Variants in LCOR observed in about 807,000 individuals in gnomAD.
The protein encoded by LCOR is ligand-dependent corepressor.
LCOR carries 14 observed loss-of-function variants against 64.4 expected under a neutral mutation model. That is an observed-to-expected ratio of 0.22 (90% CI 0.14 to 0.34). LCOR has a LOEUF of 0.34. LCOR is among the 10% of genes least tolerant of loss of function. LCOR has a pLI of 1.00. For missense variants in LCOR, 1,686 were observed against 1,765.3 expected, an observed-to-expected ratio of 0.96 and a Z score of 0.80; for synonymous variants, 643 against 642.5, an observed-to-expected ratio of 1.00 and a Z score of -0.01.
intron 7 of LCOR, among the ~76,000 whole-genome samples, chr10:96,978,128 G>A (rs555117719): frequency 6.6e-5 from 10 of 152,282 alleles, no homozygotes; most frequent in Non-Finnish European, 1.3e-4. Context: ...TTCCTAAAGG[G>A]GTCTGGGGTC....
At chr10:96,907,794 GT>G (rs1846755012) in intron 4 of LCOR, 47 bp downstream of exon 4, 1 of 612,622 alleles carries the variant, frequency 1.6e-6, no homozygotes, top group Non-Finnish European at 2.0e-6. Context: ...GTATTTTAAA[GT>G]TTTCATCTTT....
chr10:96,902,854 A>G (rs142172765), intron 2 of LCOR, among the ~76,000 whole-genome samples: 2 of 152,338 alleles, frequency 1.3e-5, no homozygotes, highest in African/African-American at 2.4e-5. Flanking sequence ...ATGGGGTTGC[A>G]TTATGAGAAG....
At chr10:96,921,269 T>C (rs1396491207) in intron 4 of LCOR, among the ~76,000 whole-genome samples, 3 of 152,230 alleles carry the variant, frequency 2.0e-5, no homozygotes, top group Non-Finnish European at 4.4e-5. Flanking sequence ...TATCTATTTT[T>C]ACTTTTGTTG....
At chr10:96,948,399 A>C (rs1847622593) in intron 5 of LCOR, among the ~76,000 whole-genome samples, 1 of 152,218 alleles carries the variant, frequency 6.6e-6, no homozygotes, top group Non-Finnish European at 1.5e-5. Flanking sequence ...AGCCCACCCT[A>C]GAACTACTGA....
At chr10:96,949,384 C>A in intron 6 of LCOR, 89 bp downstream of exon 6, 1 of 1,148,066 alleles carries the variant, frequency 8.7e-7, no homozygotes. Context: ...AGAGCATCAG[C>A]AGCAATAATA....
chr10:96,855,655 C>T (rs910381340), intron 2 of LCOR, among the ~76,000 whole-genome samples: 9 of 151,908 alleles, frequency 5.9e-5, no homozygotes, highest in Non-Finnish European at 1.0e-4. Context: ...AGGCTGGTCT[C>T]CGACTCCTGA....
intron 2 of LCOR, among the ~76,000 whole-genome samples, chr10:96,873,804 A>G (rs1328192369): frequency 6.6e-6 from 1 of 152,104 alleles, no homozygotes; most frequent in Non-Finnish European, 1.5e-5. Context: ...GGGTTTCACC[A>G]TATTGGTAAT....
chr10:96,904,423 C>T (rs1589645317), intron 2 of LCOR, among the ~76,000 whole-genome samples: 1 of 152,012 alleles, frequency 6.6e-6, no homozygotes, highest in African/African-American at 2.4e-5. Flanking sequence ...GTTTTGATTG[C>T]CGAATTTGGA....
intron 4 of LCOR, among the ~76,000 whole-genome samples, chr10:96,921,915 T>C (rs1365635949): frequency 6.6e-6 from 1 of 152,236 alleles, no homozygotes; most frequent in African/African-American, 2.4e-5. Flanking sequence ...TCTGTTTCAT[T>C]AGTCTATGTG....
chr10:96,837,099 C>T (rs1441311578), intron 2 of LCOR, among the ~76,000 whole-genome samples: 1 of 151,592 alleles, frequency 6.6e-6, no homozygotes, highest in East Asian at 1.9e-4. Flanking sequence ...TCAAGCCATT[C>T]TCCTGCCTCA....
In LCOR at chr10:96,897,069, G is replaced by GAGAGAGAGAA. The variant is rs1554835305; in HGVS notation, c.-329-10191_-329-10190insGAGAAAGAGA. On this transcript the variant is annotated intron_variant, in intron 2 of 7. Transcript: ENST00000421806. Reference sequence around the variant, plus strand: ...CCAAGGAATGAGAGAGAGAGAGAGAGAGAGAAAGAGAAAGAGAAAGAGAAA... The same window carrying GAGAGAGAGAA: ...CCAAGGAATGAGAGAGAGAGAGAGAGAGAGAGAGAAAGAGAAAGAGAAAGAGAAAGAGAAA... 5.2e-5 allele frequency among the ~76,000 whole-genome samples: 6 copies of GAGAGAGAGAA among 116,410 alleles called. No homozygotes were observed. The South Asian group carries it at 1.4e-3, about 27-fold the overall frequency. The allele number at this position is 116,410 out of a possible 152,430, so 76.4% of individuals were successfully genotyped here. A position where few individuals can be genotyped will look rare whatever the true frequency, so the allele number is the denominator to read the frequency against.
chr10:96,970,503 T>C (rs1000912190), intron 7 of LCOR, among the ~76,000 whole-genome samples: 8 of 151,872 alleles, frequency 5.3e-5, no homozygotes, highest in African/African-American at 1.9e-4. Flanking sequence ...AGAAAAAAAA[T>C]CCATCTTCTT....
At chr10:96,925,485 ATAT>A (rs1256027777) in intron 4 of LCOR, among the ~76,000 whole-genome samples, 10 of 152,222 alleles carry the variant, frequency 6.6e-5, no homozygotes, top group South Asian at 2.1e-4. Context: ...TAAGTTCATA[ATAT>A]TAAATAAGTG....
intron 4 of LCOR, among the ~76,000 whole-genome samples, chr10:96,935,138 A>ATTTT (rs1847326215): frequency 1.4e-5 from 1 of 72,706 alleles, no homozygotes; most frequent in Non-Finnish European, 2.9e-5. Context: ...TGGCTATTTT[A>ATTTT]CTTTTTTTTT....
chr10:96,920,434 G>GTATATAGGTATATATATTCA (rs1847030514), intron 4 of LCOR, among the ~76,000 whole-genome samples: 1 of 124,012 alleles, frequency 8.1e-6, no homozygotes, highest in South Asian at 2.3e-4. Context: ...ATATATATGT[G>GTATATAGGTATATATATTCA]TATATATGTG....
At position 96,984,630 on chromosome 10, in the gene LCOR, G is replaced by A. The variant is rs758957362; in HGVS notation, c.4170G>A (p.Leu1390=). Residue 1390 remains leucine, a synonymous_variant, in exon 8 of 8, where the codon TTG becomes TTA. Coordinates refer to ENST00000421806, the MANE Select transcript of LCOR (RefSeq NM_001346516.2). ...AGGGGAAGCAGGTGTCTGAAATCTT[G>A]CCTAAAGCAGAAGTTCAGAGTAAAC... The part of the protein sequence containing the change: ...GRKGKQVSEI[L]PKAEVQSKRK... The A allele has an allele frequency of 1.2e-6, 2 of 1,614,102 alleles. No individual in the cohort carries two copies. Among genetic ancestry groups the A allele is most frequent in the Admixed American group, 1.7e-5 (1 of 60,006 alleles).
chr10:96,990,292 C>A lies in LCOR; in HGVS notation c.*5158C>A, dbSNP rs1431705775. The A allele has an allele frequency of 6.6e-6, 1 of 152,040 alleles. No homozygotes were observed. The highest frequency in any genetic ancestry group is 1.5e-5 in the Non-Finnish European group (1 of 68,034). 9.4% of individuals were successfully genotyped at this position (152,040 alleles called of 1,614,324 possible). A position where few individuals can be genotyped will look rare whatever the true frequency, so the allele number is the denominator to read the frequency against. On this transcript the variant is annotated 3_prime_UTR_variant, in exon 8 of 8. Coordinates refer to ENST00000421806, the MANE Select transcript of LCOR (RefSeq NM_001346516.2). Reference sequence around the variant, plus strand: ...TACAGTTTTTTGAAAGTATAGTCATCTTCATTTTTATGACGCCCACTGCAG... The same window carrying A: ...TACAGTTTTTTGAAAGTATAGTCATATTCATTTTTATGACGCCCACTGCAG...
At chr10:96,881,663 G>A (rs891092391) in intron 2 of LCOR, among the ~76,000 whole-genome samples, 2 of 152,052 alleles carry the variant, frequency 1.3e-5, no homozygotes, top group African/African-American at 4.8e-5. Flanking sequence ...CACCATGTTG[G>A]CCAGGCTGGT....
intron 2 of LCOR, among the ~76,000 whole-genome samples, chr10:96,854,805 C>G (rs1845776434): frequency 1.3e-5 from 2 of 152,170 alleles, no homozygotes; most frequent in Admixed American, 6.6e-5. Context: ...CTAAGATTTT[C>G]TGACTTCAGA....
Sources: gnomAD v4.1 joint callset for allele counts (sites outside exome capture counted in the v4.1 genomes callset) on GRCh38, gnomAD v4.1.1 for gene constraint, MANE v1.5 for transcripts, NCBI Gene and HGNC (gene_info 2026-07-23, HGNC 2026-07-21) for gene names.